The following TUT7 variants were observed in gnomAD, a reference collection of about 807,000 sequenced individuals.
TUT7 encodes the protein terminal uridylyltransferase 7.
TUT7 carries 33 observed loss-of-function variants against 165.9 expected under a neutral mutation model. The ratio of observed to expected loss-of-function variants is 0.20; its 90% CI spans 0.15 to 0.27. TUT7 has a LOEUF of 0.27. TUT7 is among the 10% of genes least tolerant of loss of function. TUT7 has a pLI of 1.00. For missense variants in TUT7, 1,338 were observed against 1,762.3 expected (o/e 0.76, Z 4.31); for synonymous variants, 552 against 608.1 (o/e 0.91, Z 1.36).
At position 86,343,107 on chromosome 9, in the gene TUT7, C is replaced by T; in HGVS notation, c.1054G>A (p.Asp352Asn). ...SCSRLGFKNS[D>N]VNIDIQFPAI... Reference sequence around the variant, plus strand: ...GGAAACTGGATGTCAATGTTTACATCCGAATTTTTGAAACCCAATCTGCTA... The same window carrying T: ...GGAAACTGGATGTCAATGTTTACATTCGAATTTTTGAAACCCAATCTGCTA... Residue 352 changes from aspartate (D) to asparagine (N), a missense_variant, in exon 6 of 27, where the codon GAT (aspartate) becomes AAT (asparagine). Physicochemically the swap from Asp to Asn is conservative, Grantham distance 23. This residue lies in a region of TUT7 where 434 missense variants were observed against 480.8 expected (regional missense o/e 0.90). Transcript: ENST00000375963. 6.2e-7 allele frequency: 1 copy of T among 1,604,170 alleles called. No individual in the cohort carries two copies. The highest frequency in any genetic ancestry group is 1.1e-5 in the South Asian group (1 of 88,962).
intron 10 of TUT7, among the ~76,000 whole-genome samples, chr9:86,334,142 G>A (rs1293378626): frequency 1.3e-5 from 2 of 152,020 alleles, no homozygotes; most frequent in African/African-American, 2.4e-5. Context: ...GAGCAGTGGA[G>A]CTAGGTACCT....
Position 86,297,623 on chromosome 9 carries a change from T to C in TUT7, c.4420+3653A>G, listed in dbSNP as rs10116944. ...TGGGAGGATCACATGAGGCCAGGAG[T>C]TCAAGACCAGTCTGGGCAACATAGT... On this transcript the variant is annotated intron_variant, in intron 26 of 26. Coordinates refer to ENST00000375963, the MANE Select transcript of TUT7 (RefSeq NM_024617.4). Among the ~76,000 whole-genome samples the C allele has an allele frequency of 1.7e-3, 252 of 151,384 alleles. 2 individuals carry two copies. The highest frequency in any genetic ancestry group is 5.6e-3 in the African/African-American group (232 of 41,232).
chr9:86,322,741 A>C, intron 13 of TUT7, 132 bp downstream of exon 13: 1 of 1,086,882 alleles, frequency 9.2e-7, no homozygotes, highest in Non-Finnish European at 1.3e-6. Context: ...CCGAGCAGTC[A>C]TATCAGAATG....
chr9:86,347,883 T>A (rs186884144), intron 2 of TUT7, among the ~76,000 whole-genome samples: 1 of 152,242 alleles, frequency 6.6e-6, no homozygotes, highest in East Asian at 1.9e-4. Context: ...CTGAACAATT[T>A]TTTTTTTTCA....
In TUT7 at chr9:86,323,279, T is replaced by C; in HGVS notation, c.2471A>G (p.Glu824Gly). The change falls in exon 13 of 27, where the codon GAA becomes GGA. Residue 824 changes from glutamate to glycine, a missense_variant. This residue lies in a region of TUT7 where 425 missense variants were observed against 474.9 expected (regional missense o/e 0.89). Transcript: ENST00000375963. ...GESTEGTEEL[E>G]DSLNHFTHSV... ...GTGGGTAAAGTGGTTTAGAGAGTCT[T>C]CTAGTTCCTCAGTACCTTCTGTACT... 1 of 1,614,172 alleles carries C rather than the reference T, an allele frequency of 6.2e-7. No individual in the cohort carries two copies. The highest frequency in any genetic ancestry group is 8.5e-7 in the Non-Finnish European group (1 of 1,180,040).
chr9:86,312,459 C>G lies in TUT7; in HGVS notation c.3275-1650G>C, dbSNP rs1828237270. On this transcript the variant is annotated intron_variant, in intron 17 of 26. Transcript: ENST00000375963. Reference sequence around the variant, plus strand: ...GTCTGGGAAGTGAGGAGCGTCTCCACCCGGCAGCCACCCCATCCGGGAGGG... The same window carrying G: ...GTCTGGGAAGTGAGGAGCGTCTCCAGCCGGCAGCCACCCCATCCGGGAGGG... Among the ~76,000 whole-genome samples, 3 of 151,790 alleles carry G rather than the reference C, an allele frequency of 2.0e-5. No homozygotes were observed. In the South Asian group the frequency reaches 6.2e-4, roughly 32 times the overall value.
chr9:86,313,106 A>G (rs1828365869), intron 17 of TUT7, among the ~76,000 whole-genome samples: 1 of 150,320 alleles, frequency 6.7e-6, no homozygotes, highest in Non-Finnish European at 1.5e-5. Flanking sequence ...CCTCTGCGAG[A>G]AACACCCAAG....
intron 24 of TUT7, 49 bp downstream of exon 24, chr9:86,304,807 T>C: frequency 1.6e-6 from 2 of 1,284,626 alleles, no homozygotes; most frequent in Non-Finnish European, 2.2e-6. Context: ...GTGTACAAAT[T>C]AGGCACTTTT....
chr9:86,319,143 C>T (rs1426387960), intron 15 of TUT7, 85 bp from the exon 16 acceptor site: 2 of 845,848 alleles, frequency 2.4e-6, no homozygotes, highest in Non-Finnish European at 3.7e-6. Flanking sequence ...GAATCAAAAA[C>T]ACCCAGTTGT....
intron 11 of TUT7, among the ~76,000 whole-genome samples, chr9:86,327,698 A>G (rs1829918784): frequency 6.6e-6 from 1 of 152,060 alleles, no homozygotes; most frequent in African/African-American, 2.4e-5. Flanking sequence ...TTCACCACTA[A>G]CTCCTCATTT....
At chr9:86,321,512 T>C (rs1829293904) in intron 14 of TUT7, among the ~76,000 whole-genome samples, 2 of 151,664 alleles carry the variant, frequency 1.3e-5, no homozygotes, top group African/African-American at 4.9e-5. Flanking sequence ...ATGAATCACT[T>C]GAGGTCAGGA....
At chr9:86,339,931 A>C in intron 8 of TUT7, 105 bp downstream of exon 8, 1 of 901,786 alleles carries the variant, frequency 1.1e-6, no homozygotes. Flanking sequence ...GTGATAACCA[A>C]ATAAAAAGCT....
At chr9:86,314,066 T>C (rs868062409) in intron 17 of TUT7, among the ~76,000 whole-genome samples, 1 of 152,200 alleles carries the variant, frequency 6.6e-6, no homozygotes, top group Non-Finnish European at 1.5e-5. Flanking sequence ...TATTTCCACT[T>C]TAGAGATGAG....
intron 17 of TUT7, among the ~76,000 whole-genome samples, chr9:86,314,841 A>C (rs1828552851): frequency 6.6e-6 from 1 of 152,272 alleles, no homozygotes; most frequent in South Asian, 2.1e-4. Flanking sequence ...CAAATGTACC[A>C]ATCTTCTCAC....
At chr9:86,292,268 A>G (rs1348701423) in intron 26 of TUT7, among the ~76,000 whole-genome samples, 1 of 152,150 alleles carries the variant, frequency 6.6e-6, no homozygotes, top group Admixed American at 6.6e-5. Context: ...TTCACCAAGG[A>G]GAAACATATG....
In TUT7 at chr9:86,308,526, C is replaced by T; in HGVS notation, c.3741G>A (p.Glu1247=). ...TAACATGTTCTTTAAAATCAAATTC[C>T]TCTGTGTAGAAACGAAGAAGGCCCA... The part of the protein sequence containing the change: ...LWLGLLRFYT[E]EFDFKEHVIS... Residue 1247 remains glutamate, a synonymous_variant, in exon 22 of 27, where the codon GAG becomes GAA. Coordinates refer to ENST00000375963, the MANE Select transcript of TUT7 (RefSeq NM_024617.4). 1 of 1,613,998 alleles carries T rather than the reference C, an allele frequency of 6.2e-7. No individual in the cohort carries two copies. Among genetic ancestry groups the T allele is most frequent in the Admixed American group, 1.7e-5 (1 of 60,022 alleles).
intron 26 of TUT7, among the ~76,000 whole-genome samples, chr9:86,300,422 C>T (rs1279427292): frequency 6.6e-6 from 1 of 152,104 alleles, no homozygotes; most frequent in Non-Finnish European, 1.5e-5. Flanking sequence ...CTGAGGATAG[C>T]GACAGGATTG....
rs1825648524 is a variant in TUT7 at position 86,287,767 on chromosome 9, A to C, written c.*910T>G. ...GAAATTCTGATTTTATTTCAAAATG[A>C]TAAATAAACCGAGGCATAGTTCTGA... On this transcript the variant is annotated 3_prime_UTR_variant, in exon 27 of 27. Coordinates refer to ENST00000375963, the MANE Select transcript of TUT7 (RefSeq NM_024617.4). 6.6e-6 allele frequency: 1 copy of C among 151,996 alleles called. No individual in the cohort carries two copies. The highest frequency in any genetic ancestry group is 6.6e-5 in the Admixed American group (1 of 15,264). The allele number at this position is 151,996 out of a possible 1,614,324, so 9.4% of individuals were successfully genotyped here. A position where few individuals can be genotyped will look rare whatever the true frequency, so the allele number is the denominator to read the frequency against.
At chr9:86,325,950 C>G (rs1043272882) in intron 11 of TUT7, among the ~76,000 whole-genome samples, 2 of 152,202 alleles carry the variant, frequency 1.3e-5, no homozygotes, top group Admixed American at 1.3e-4. Context: ...AAACACTCCT[C>G]TCACTGCCCT....
Sources: allele counts gnomAD v4.1 joint callset (sites outside exome capture counted in the v4.1 genomes callset), GRCh38; gene constraint gnomAD v4.1.1; regional missense constraint gnomAD v4.1.1; transcripts MANE v1.5; gene names NCBI Gene and HGNC (gene_info 2026-07-23, HGNC 2026-07-21).